The following CELF4 variants were observed in gnomAD, a reference collection of about 807,000 sequenced individuals.
CELF4 encodes CUGBP Elav-like family member 4.
In CELF4, 18 loss-of-function variants were observed where a neutral mutation model predicts 59.9. That is an observed-to-expected ratio of 0.30 (90% CI 0.21 to 0.45). CELF4 has a LOEUF of 0.45. CELF4 is among the 20% of genes least tolerant of loss of function. CELF4 has a pLI of 1.00. For missense variants in CELF4, 456 were observed against 689.0 expected (o/e 0.66, Z 3.79); for synonymous variants, 261 against 267.1 (o/e 0.98, Z 0.22).
At chr18:37,470,849 T>A (rs1276841708) in intron 2 of CELF4, among the ~76,000 whole-genome samples, 1 of 80,368 alleles carries the variant, frequency 1.2e-5, no homozygotes, top group Non-Finnish European at 2.5e-5. Flanking sequence ...TGTGTGTGTG[T>A]GTGTGTGTGT....
chr18:37,480,805 T>A (rs1488174743), intron 2 of CELF4, among the ~76,000 whole-genome samples: 2 of 146,734 alleles, frequency 1.4e-5, no homozygotes, highest in East Asian at 2.0e-4. Flanking sequence ...TAGAGGAAAA[T>A]GGGCAGAGGG....
chr18:37,248,857 G>C (rs2063665026), intron 12 of CELF4, among the ~76,000 whole-genome samples: 1 of 151,742 alleles, frequency 6.6e-6, no homozygotes, highest in East Asian at 1.9e-4. Context: ...CTCAGGCCTG[G>C]GCCAAGGCCT....
chr18:37,409,880 T>A (rs2099422253), intron 2 of CELF4, among the ~76,000 whole-genome samples: 1 of 152,220 alleles, frequency 6.6e-6, no homozygotes, highest in South Asian at 2.1e-4. Context: ...CCTGGGGCAC[T>A]GCAGACAGAG....
chr18:37,275,447 G>A (rs1221688529), intron 3 of CELF4, among the ~76,000 whole-genome samples: 2 of 151,962 alleles, frequency 1.3e-5, no homozygotes, highest in African/African-American at 2.4e-5. Flanking sequence ...AGAAGTAGGT[G>A]GGGTAGGAGC....
chr18:37,448,747 C>T (rs78199907), intron 2 of CELF4, among the ~76,000 whole-genome samples: 13,180 of 152,328 alleles, frequency 0.087, 625 homozygotes, highest in East Asian at 0.15. Flanking sequence ...AGACTCTGCG[C>T]TTCCCAAGAA....
rs1168259216 is a variant in CELF4 at position 37,334,719 on chromosome 18, C to G, written c.370-12838G>C. 2.0e-5 allele frequency among the ~76,000 whole-genome samples: 3 copies of G among 152,006 alleles called. No homozygotes were observed. The East Asian group carries it at 5.8e-4, about 30-fold the overall frequency. Reference sequence around the variant, plus strand: ...GTCCTGGTTCCACCCTCACCCTGCCCTGACCCGGGGGGGACAGCTCCTTTC... The same window carrying G: ...GTCCTGGTTCCACCCTCACCCTGCCGTGACCCGGGGGGGACAGCTCCTTTC... On this transcript the variant is annotated intron_variant, in intron 2 of 12. Transcript: ENST00000420428.
At chr18:37,525,034 CCT>C (rs2099962184) in intron 1 of CELF4, among the ~76,000 whole-genome samples, 1 of 152,212 alleles carries the variant, frequency 6.6e-6, no homozygotes, top group African/African-American at 2.4e-5. Context: ...TTGTTAACCA[CCT>C]CTCTTTCCTA....
intron 3 of CELF4, among the ~76,000 whole-genome samples, chr18:37,290,477 G>T (rs2095259635): frequency 6.6e-6 from 1 of 152,188 alleles, no homozygotes; most frequent in African/African-American, 2.4e-5. Context: ...ATGAATTTTT[G>T]ATGTTAAAAA....
At chr18:37,470,873 T>A (rs1478083009) in intron 2 of CELF4, among the ~76,000 whole-genome samples, 5,483 of 99,454 alleles carry the variant, frequency 0.055, 190 homozygotes, top group Non-Finnish European at 0.068. Flanking sequence ...TGTGTGTGTG[T>A]GTGTGTGTGT....
intron 2 of CELF4, among the ~76,000 whole-genome samples, chr18:37,341,108 TTAGA>T (rs1265185323): frequency 6.6e-6 from 1 of 152,158 alleles, no homozygotes; most frequent in African/African-American, 2.4e-5. Context: ...AGTAGGGCAC[TTAGA>T]TAGGAAGTGA....
intron 2 of CELF4, among the ~76,000 whole-genome samples, chr18:37,327,168 C>T (rs75745488): frequency 2.1e-4 from 32 of 152,256 alleles, no homozygotes; most frequent in Non-Finnish European, 3.1e-4. Flanking sequence ...CTCCCAACCT[C>T]GCCGCTTCCC....
At chr18:37,313,782 T>C (rs1378733383) in intron 3 of CELF4, among the ~76,000 whole-genome samples, 1 of 152,200 alleles carries the variant, frequency 6.6e-6, no homozygotes, top group Non-Finnish European at 1.5e-5. Context: ...GGGCTACAGA[T>C]GGTGGAGGGG....
intron 2 of CELF4, among the ~76,000 whole-genome samples, chr18:37,343,468 C>T (rs566392084): frequency 1.3e-5 from 2 of 151,910 alleles, no homozygotes; most frequent in Admixed American, 1.3e-4. Flanking sequence ...GAGCTGCATA[C>T]AGCCACCAGA....
intron 2 of CELF4, among the ~76,000 whole-genome samples, chr18:37,339,130 A>G (rs1345910665): frequency 6.6e-6 from 1 of 152,196 alleles, no homozygotes; most frequent in Non-Finnish European, 1.5e-5. Context: ...TTCCATCATA[A>G]ATCATATTTC....
At chr18:37,377,306 T>C (rs2098982670) in intron 2 of CELF4, among the ~76,000 whole-genome samples, 3 of 152,114 alleles carry the variant, frequency 2.0e-5, no homozygotes, top group African/African-American at 7.2e-5. Context: ...GAGGTCTACA[T>C]GTCCCAAAAA....
At chr18:37,529,369 A>G (rs77992542) in intron 1 of CELF4, among the ~76,000 whole-genome samples, 3,170 of 152,282 alleles carry the variant, frequency 0.021, 122 homozygotes, top group African/African-American at 0.073. Context: ...CCCAGACTGC[A>G]TGGGTCGAGG....
At chr18:37,437,582 C>G (rs2099697084) in intron 2 of CELF4, among the ~76,000 whole-genome samples, 1 of 152,142 alleles carries the variant, frequency 6.6e-6, no homozygotes, top group South Asian at 2.1e-4. Context: ...TCCTGGAGGA[C>G]CAAGGTAAGG....
chr18:37,415,842 C>G (rs2099523296), intron 2 of CELF4, among the ~76,000 whole-genome samples: 2 of 152,186 alleles, frequency 1.3e-5, no homozygotes. Flanking sequence ...ACTCCCTGGA[C>G]AGAACACATT....
intron 2 of CELF4, among the ~76,000 whole-genome samples, chr18:37,432,812 C>T (rs1048820586): frequency 6.6e-6 from 1 of 152,168 alleles, no homozygotes; most frequent in African/African-American, 2.4e-5. Context: ...TCAACATTCT[C>T]CTCTTTCAGG....
Sources: gnomAD v4.1 joint callset for allele counts (sites outside exome capture counted in the v4.1 genomes callset) on GRCh38, gnomAD v4.1.1 for gene constraint, MANE v1.5 for transcripts, NCBI Gene and HGNC (gene_info 2026-07-23, HGNC 2026-07-21) for gene names.